UNC13C: variants seen among roughly 807,000 people sequenced by gnomAD.
UNC13C encodes the protein unc-13 homolog C.
UNC13C carries 174 observed loss-of-function variants against 245.4 expected under a neutral mutation model. That is an observed-to-expected ratio of 0.71 (90% CI 0.63 to 0.80). UNC13C has a LOEUF of 0.80. Among genes scored for constraint, UNC13C ranks in the 30% least tolerant of loss-of-function variants. The pLI, the probability that UNC13C is intolerant of heterozygous loss-of-function variation, is 0.00. For missense variants in UNC13C, 2,829 were observed against 2,602.9 expected (o/e 1.09, Z -1.89); for synonymous variants, 992 against 895.1 (o/e 1.11, Z -1.93).
At chr15:54,028,592 C>G (rs1010615717) in intron 2 of UNC13C, among the ~76,000 whole-genome samples, 1 of 151,952 alleles carries the variant, frequency 6.6e-6, no homozygotes, top group East Asian at 1.9e-4. Context: ...GCCTGGTACC[C>G]TTGGCATTTT....
chr15:54,048,590 G>A (rs150820958), intron 2 of UNC13C: 58 of 378,164 alleles, frequency 1.5e-4, no homozygotes, highest in African/African-American at 8.4e-4. Context: ...TATCAATTTC[G>A]CCAATTGCTG....
At chr15:54,472,687 T>C (rs1225443517) in intron 19 of UNC13C, among the ~76,000 whole-genome samples, 1 of 151,918 alleles carries the variant, frequency 6.6e-6, no homozygotes, top group Non-Finnish European at 1.5e-5. Context: ...ACAGTTTTTT[T>C]CTCTTTCATA....
At chr15:54,535,111 T>C (rs1204224454) in intron 26 of UNC13C, among the ~76,000 whole-genome samples, 1 of 152,120 alleles carries the variant, frequency 6.6e-6, no homozygotes, top group East Asian at 1.9e-4. Context: ...GGCAGGAAGC[T>C]GTCTTTAAGA....
At chr15:54,038,087 T>TATATAC (rs1043135589) in intron 2 of UNC13C, among the ~76,000 whole-genome samples, 2 of 124,346 alleles carry the variant, frequency 1.6e-5, no homozygotes, top group African/African-American at 3.2e-5. Flanking sequence ...TGTGTGTGTG[T>TATATAC]ATATACATAT....
intron 30 of UNC13C, among the ~76,000 whole-genome samples, chr15:54,576,401 G>A (rs1215495212): frequency 1.3e-5 from 2 of 152,260 alleles, no homozygotes; most frequent in South Asian, 2.1e-4. Flanking sequence ...TAGTATCACT[G>A]AATCTCTCTT....
the UNC13C span, among the ~76,000 whole-genome samples, chr15:53,938,043 T>C: frequency 6.6e-6 from 1 of 152,174 alleles, no homozygotes; most frequent in Non-Finnish European, 1.5e-5. Context: ...ATATTAACCT[T>C]AAATGTAAAT....
chr15:54,095,678 T>A (rs1899820699), intron 2 of UNC13C, among the ~76,000 whole-genome samples: 1 of 152,198 alleles, frequency 6.6e-6, no homozygotes, highest in Non-Finnish European at 1.5e-5. Flanking sequence ...TCACAGTCAC[T>A]TTTGAGAAGC....
the UNC13C span, among the ~76,000 whole-genome samples, chr15:53,889,424 G>T: frequency 1.3e-5 from 2 of 152,182 alleles, no homozygotes; most frequent in African/African-American, 2.4e-5. Context: ...CTTGGCTGAA[G>T]TTGCTTATGA....
At chr15:54,137,035 C>T (rs2031772814) in intron 2 of UNC13C, among the ~76,000 whole-genome samples, 1 of 152,052 alleles carries the variant, frequency 6.6e-6, no homozygotes, top group Admixed American at 6.6e-5. Context: ...TAGTGTCTTG[C>T]CCCAGCTAGT....
chr15:54,101,701 C>G (rs1900174384), intron 2 of UNC13C, among the ~76,000 whole-genome samples: 1 of 152,076 alleles, frequency 6.6e-6, no homozygotes, highest in Non-Finnish European at 1.5e-5. Context: ...CTGCTTCAGC[C>G]TCCTGAGTAG....
chr15:54,208,214 C>T (rs2034774381), intron 4 of UNC13C, among the ~76,000 whole-genome samples: 1 of 152,022 alleles, frequency 6.6e-6, no homozygotes, highest in South Asian at 2.1e-4. Context: ...AGCAAGAACT[C>T]ACTTATCACC....
chr15:54,360,004 G>T (rs1460125939), intron 17 of UNC13C, among the ~76,000 whole-genome samples: 1 of 151,670 alleles, frequency 6.6e-6, no homozygotes, highest in South Asian at 2.1e-4. Flanking sequence ...ATAGGTTTGG[G>T]TATGCTGTGT....
At chr15:54,233,176 G>C (rs2035597821) in intron 4 of UNC13C, among the ~76,000 whole-genome samples, 1 of 152,102 alleles carries the variant, frequency 6.6e-6, no homozygotes, top group Admixed American at 6.6e-5. Flanking sequence ...CCTTAACCTA[G>C]AGAGTGTTAA....
At chr15:53,907,469 G>A in the UNC13C span, among the ~76,000 whole-genome samples, 5 of 152,136 alleles carry the variant, frequency 3.3e-5, no homozygotes, top group East Asian at 1.9e-4. Flanking sequence ...ATGATATAGC[G>A]GAGAAAGCCA....
intron 4 of UNC13C, among the ~76,000 whole-genome samples, chr15:54,223,378 A>G (rs2035284549): frequency 6.6e-6 from 1 of 151,874 alleles, no homozygotes; most frequent in South Asian, 2.1e-4. Flanking sequence ...TTTTTGGCAC[A>G]TTTGTTGAAA....
rs565877113 is a variant in UNC13C at position 54,013,949 on chromosome 15, C to T, written c.1046C>T (p.Ser349Leu). 18 of 1,612,982 alleles carry T rather than the reference C, an allele frequency of 1.1e-5. No individual in the cohort carries two copies. In the East Asian group the frequency reaches 3.1e-4, roughly 28 times the overall value. ...ATTCTAATAGATAAAATGGGTTTTTCAGATGCACCAAATGCTATTAAAATT... is the reference window on the plus strand; with the variant it reads ...ATTCTAATAGATAAAATGGGTTTTTTAGATGCACCAAATGCTATTAAAATT... ...YQILIDKMGF[S>L]DAPNAIKIEF... is the part of the protein sequence containing the mutation. The change falls in exon 2 of 33, where the codon TCA (serine) becomes TTA (leucine). Residue 349 changes from serine (S) to leucine (L), a missense_variant. Coordinates refer to ENST00000260323, the MANE Select transcript of UNC13C (RefSeq NM_001080534.3).
intron 19 of UNC13C, among the ~76,000 whole-genome samples, chr15:54,453,380 G>C (rs1040522377): frequency 6.6e-6 from 1 of 152,086 alleles, no homozygotes; most frequent in Non-Finnish European, 1.5e-5. Flanking sequence ...TTCTCTCTTA[G>C]AGGATCTATT....
At chr15:53,969,481 G>A in the UNC13C span, among the ~76,000 whole-genome samples, 1 of 152,052 alleles carries the variant, frequency 6.6e-6, no homozygotes, top group East Asian at 1.9e-4. Flanking sequence ...GCAGGGGTTT[G>A]AGGCCAGCCT....
chr15:54,514,702 T>TC (rs1349503367), intron 24 of UNC13C, among the ~76,000 whole-genome samples: 1 of 152,126 alleles, frequency 6.6e-6, no homozygotes, highest in Non-Finnish European at 1.5e-5. Context: ...GCAGCTGTTT[T>TC]TTCTTCACAG....
Sources: allele counts gnomAD v4.1 joint callset (sites outside exome capture counted in the v4.1 genomes callset), GRCh38; gene constraint gnomAD v4.1.1; transcripts MANE v1.5; gene names NCBI Gene and HGNC (gene_info 2026-07-23, HGNC 2026-07-21).